Variants in PIWIL2 observed in about 807,000 individuals in gnomAD.
PIWIL2 encodes the protein piwi like RNA-mediated gene silencing 2, also known as piwi-like protein 2.
Under a neutral mutation model 116.5 loss-of-function variants are expected in PIWIL2, and 81 were observed. The ratio of observed to expected loss-of-function variants is 0.70; its 90% CI spans 0.58 to 0.84. The LOEUF (loss-of-function observed/expected upper bound fraction) is 0.84. Among genes scored for constraint, PIWIL2 ranks in the 40% least tolerant of loss-of-function variants. The pLI is 0.00. For missense variants in PIWIL2, 1,272 were observed against 1,212.3 expected, an observed-to-expected ratio of 1.05 and a Z score of -0.73; for synonymous variants, 489 against 429.5, an observed-to-expected ratio of 1.14 and a Z score of -1.71.
At chr8:22,341,060 C>T (rs773294059) in intron 20 of PIWIL2, among the ~76,000 whole-genome samples, 23 of 152,082 alleles carry the variant, frequency 1.5e-4, no homozygotes, top group Non-Finnish European at 3.1e-4. Context: ...TCTGCTGATA[C>T]CTTGGGAACC....
chr8:22,309,814 G>A, intron 14 of PIWIL2, 147 bp from the exon 15 acceptor site: 1 of 540,254 alleles, frequency 1.9e-6, no homozygotes, highest in Non-Finnish European at 3.4e-6. Flanking sequence ...TTCACTGCTA[G>A]AAGCTTTATT....
At chr8:22,349,419 G>GTGTATATATA (rs1554506729) in intron 20 of PIWIL2, among the ~76,000 whole-genome samples, 8 of 134,442 alleles carry the variant, frequency 6.0e-5, no homozygotes, top group African/African-American at 1.6e-4. Flanking sequence ...ATGTGTGTGT[G>GTGTATATATA]TATATATATA....
chr8:22,321,105 A>G (rs1370133674), intron 20 of PIWIL2, among the ~76,000 whole-genome samples: 4 of 152,222 alleles, frequency 2.6e-5, no homozygotes, highest in Admixed American at 6.5e-5. Flanking sequence ...AATTCTGTAG[A>G]ACCAGATCAA....
At chr8:22,314,893 G>C in intron 17 of PIWIL2, 136 bp from the exon 18 acceptor site, 2 of 652,956 alleles carry the variant, frequency 3.1e-6, no homozygotes, top group Non-Finnish European at 5.6e-6. Flanking sequence ...CCTAGAATTA[G>C]AATTATTAAT....
intron 20 of PIWIL2, among the ~76,000 whole-genome samples, chr8:22,349,467 A>C (rs1428537954): frequency 6.8e-6 from 1 of 147,724 alleles, no homozygotes; most frequent in Admixed American, 6.9e-5. Context: ...ATCCCTTTTA[A>C]CAACCCTGAG....
intron 16 of PIWIL2, among the ~76,000 whole-genome samples, chr8:22,313,460 CT>C (rs774155849): frequency 3.9e-5 from 6 of 152,320 alleles, no homozygotes; most frequent in Non-Finnish European, 8.8e-5. Flanking sequence ...AACATAAACA[CT>C]TTTAAGTCAT....
At chr8:22,354,428 T>G in intron 22 of PIWIL2, 50 bp downstream of exon 22, 47 of 1,143,364 alleles carry the variant, frequency 4.1e-5, no homozygotes, top group Non-Finnish European at 5.8e-5. Context: ...AATTCTGGCC[T>G]GCTAGCTAAG....
intron 20 of PIWIL2, among the ~76,000 whole-genome samples, chr8:22,319,189 C>A (rs141065430): frequency 6.6e-6 from 1 of 152,144 alleles, no homozygotes; most frequent in African/African-American, 2.4e-5. Context: ...CAAGAAATGT[C>A]GTAATTTCAT....
At chr8:22,352,528 C>T (rs1832396359) in intron 20 of PIWIL2, among the ~76,000 whole-genome samples, 1 of 152,204 alleles carries the variant, frequency 6.6e-6, no homozygotes, top group South Asian at 2.1e-4. Context: ...AATCTGATGG[C>T]AGCGGATCTG....
At position 22,304,059 on chromosome 8, in the gene PIWIL2, A is replaced by T. The variant is rs914297456; in HGVS notation, c.1220A>T (p.Asp407Val). ...IYQQNKEHFQDECTKLLVGNI... is the reference protein window; with the variant it reads ...IYQQNKEHFQVECTKLLVGNI... ...CAGCAGAATAAAGAACACTTCCAGG[A>T]TGAGTGTACTAAGCTTCTGGTTGGC... Residue 407 changes from aspartate (D) to valine (V), a missense_variant, in exon 11 of 23, where the codon GAT becomes GTT. Asp to Val is a radical substitution (Grantham distance 152, BLOSUM62 -3). Transcript: ENST00000356766. The T allele has an allele frequency of 6.2e-7, 1 of 1,613,514 alleles. No homozygotes were observed.
intron 2 of PIWIL2, 24 bp downstream of exon 2, chr8:22,279,608 G>A (rs773297983): frequency 6.2e-7 from 1 of 1,601,280 alleles, no homozygotes; most frequent in South Asian, 1.1e-5. Flanking sequence ...CGGATGCATA[G>A]GAGTGGCATA....
At chr8:22,283,979 G>A (rs1425504587) in intron 5 of PIWIL2, among the ~76,000 whole-genome samples, 183 bp from the exon 6 acceptor site, 1 of 152,120 alleles carries the variant, frequency 6.6e-6, no homozygotes, top group Non-Finnish European at 1.5e-5. Flanking sequence ...TCTTGCTAAC[G>A]ATTTGCCTTC....
intron 10 of PIWIL2, among the ~76,000 whole-genome samples, chr8:22,294,262 C>T (rs1342930884): frequency 2.0e-5 from 3 of 147,268 alleles, no homozygotes; most frequent in African/African-American, 5.0e-5. Context: ...CGCTTGAACC[C>T]GGGAGGCAGA....
chr8:22,279,106 C>T (rs1247546979), intron 1 of PIWIL2, among the ~76,000 whole-genome samples: 3 of 151,318 alleles, frequency 2.0e-5, no homozygotes, highest in African/African-American at 7.2e-5. Flanking sequence ...GAAAAATTAT[C>T]TTCCAGGAAA....
chr8:22,324,331 TCTTC>T (rs1831674293), intron 20 of PIWIL2, among the ~76,000 whole-genome samples: 2 of 152,098 alleles, frequency 1.3e-5, no homozygotes, highest in African/African-American at 4.8e-5. Context: ...CAGATATCAT[TCTTC>T]CTTCTCTCCA....
At chr8:22,323,047 G>A (rs1831639676) in intron 20 of PIWIL2, among the ~76,000 whole-genome samples, 1 of 148,238 alleles carries the variant, frequency 6.7e-6, no homozygotes, top group Non-Finnish European at 1.5e-5. Context: ...CCGAGTAGCT[G>A]GGACCACAGG....
intron 20 of PIWIL2, among the ~76,000 whole-genome samples, chr8:22,351,326 AAAAAC>A (rs1448612039): frequency 2.3e-4 from 35 of 149,626 alleles, no homozygotes; most frequent in Non-Finnish European, 1.3e-4. Flanking sequence ...TCTTAAAAAA[AAAAAC>A]AAATTGAAAC....
In PIWIL2 at chr8:22,316,323, A is replaced by G. The variant is rs1332649677; in HGVS notation, c.2287A>G (p.Ser763Gly). The G allele has an allele frequency of 1.6e-5, 26 of 1,605,144 alleles. No individual in the cohort carries two copies. Among genetic ancestry groups the G allele is most frequent in the Non-Finnish European group, 2.2e-5 (26 of 1,171,924 alleles). Residue 763 changes from serine (S) to glycine (G), a missense_variant, in exon 19 of 23, where the codon AGC (serine) becomes GGC (glycine). Coordinates refer to ENST00000356766, the MANE Select transcript of PIWIL2 (RefSeq NM_018068.5). ...GCGCTCCGTGGTTGGCTTCGTGGCA[A>G]GCATCAATCTGTAAGTACTGCTCAC... ...GMRSVVGFVA[S>G]INLTLTKWYS...
rs573506051 is a variant in PIWIL2, at chr8:22,281,978, C to T, written c.425+463C>T. On this transcript the variant is annotated intron_variant, in intron 4 of 22. Transcript: ENST00000356766. ...AGTAGAGACGAGGTTTCACTGTGTT[C>T]GCCAGGCTGGTCTTGAGCTCCTGAC... 6.6e-5 allele frequency among the ~76,000 whole-genome samples: 10 copies of T among 151,064 alleles called. No homozygotes were observed. The East Asian group carries it at 1.8e-3, about 26-fold the overall frequency.
Sources: gnomAD v4.1 joint callset for allele counts (sites outside exome capture counted in the v4.1 genomes callset) on GRCh38, gnomAD v4.1.1 for gene constraint, MANE v1.5 for transcripts, NCBI Gene and HGNC (gene_info 2026-07-23, HGNC 2026-07-21) for gene names.